NRXN3: variants seen among roughly 807,000 people sequenced by gnomAD.
NRXN3 encodes neurexin III.
In NRXN3, 32 loss-of-function variants were observed where a neutral mutation model predicts 137.6. The observed-to-expected ratio is 0.23, with a 90% CI of 0.18 to 0.31. NRXN3 has a LOEUF of 0.31. Among genes scored for constraint, NRXN3 ranks in the 10% least tolerant of loss-of-function variants. The pLI, the probability that NRXN3 is intolerant of heterozygous loss-of-function variation, is 1.00. For synonymous variants in NRXN3, 798 were observed against 784.5 expected, an observed-to-expected ratio of 1.02 and a Z score of -0.29; for missense variants, 1,574 against 2,062.5, an observed-to-expected ratio of 0.76 and a Z score of 4.59.
chr14:79,866,379 A>C lies in NRXN3; in HGVS notation c.*4415A>C, dbSNP rs1455383001. 1 of 152,222 alleles carries C rather than the reference A, an allele frequency of 6.6e-6. No homozygotes were observed. Among genetic ancestry groups the C allele is most frequent in the Non-Finnish European group, 1.5e-5 (1 of 68,030 alleles). 9.4% of individuals were successfully genotyped at this position (152,222 alleles called of 1,614,324 possible). A position where few individuals can be genotyped will look rare whatever the true frequency, so the allele number is the denominator to read the frequency against. Reference sequence around the variant, plus strand: ...TGCAAATAAGCTATCAAAAAGTACAAACTAAGTTGGGAGCTTAGAAGAAAT... The same window carrying C: ...TGCAAATAAGCTATCAAAAAGTACACACTAAGTTGGGAGCTTAGAAGAAAT... On this transcript the variant is annotated 3_prime_UTR_variant, in exon 21 of 21. Transcript: ENST00000335750.
At chr14:79,758,703 A>G (rs2099028362) in intron 19 of NRXN3, among the ~76,000 whole-genome samples, 1 of 152,210 alleles carries the variant, frequency 6.6e-6, no homozygotes, top group Non-Finnish European at 1.5e-5. Context: ...CGTGTTCAAC[A>G]GTGTCCAAAA....
At chr14:78,330,919 C>T (rs571329015) in intron 4 of NRXN3, among the ~76,000 whole-genome samples, 1 of 152,166 alleles carries the variant, frequency 6.6e-6, no homozygotes, top group Admixed American at 6.5e-5. Context: ...TACCTGTTGC[C>T]CCTTATTAAA....
intron 16 of NRXN3, among the ~76,000 whole-genome samples, chr14:79,528,232 A>C (rs1167255839): frequency 6.6e-6 from 1 of 152,188 alleles, no homozygotes; most frequent in East Asian, 1.9e-4. Context: ...GATTGATTAC[A>C]GTACACTCAA....
intron 16 of NRXN3, among the ~76,000 whole-genome samples, chr14:79,566,545 A>C (rs2153789792): frequency 6.6e-6 from 1 of 152,148 alleles, no homozygotes; most frequent in South Asian, 2.1e-4. Flanking sequence ...ACCCTTTATA[A>C]CTTAGGAGGC....
intron 3 of NRXN3, among the ~76,000 whole-genome samples, chr14:78,293,576 ACTGCCATGATACTAATGTAGGTCCTT>A (rs1196136718): frequency 6.6e-6 from 1 of 151,788 alleles, no homozygotes; most frequent in Non-Finnish European, 1.5e-5. Flanking sequence ...TTTCTTTCCC[ACTGCCATGATACTAATGTAGGTCCTT>A]CCCCTGTAAC....
chr14:78,412,748 C>T (rs892183242), intron 4 of NRXN3, among the ~76,000 whole-genome samples: 1 of 152,168 alleles, frequency 6.6e-6, no homozygotes, highest in Middle Eastern at 3.2e-3. Flanking sequence ...ATGGTATGAT[C>T]AACTAACATT....
intron 19 of NRXN3, among the ~76,000 whole-genome samples, chr14:79,701,543 T>G (rs1052850127): frequency 5.9e-5 from 9 of 152,034 alleles, no homozygotes; most frequent in African/African-American, 2.2e-4. Flanking sequence ...CCTTGTGGTT[T>G]CTCCAGCAAA....
chr14:78,276,975 C>T (rs1035145057), intron 2 of NRXN3, among the ~76,000 whole-genome samples: 3 of 152,204 alleles, frequency 2.0e-5, no homozygotes, highest in Non-Finnish European at 1.5e-5. Flanking sequence ...TCTCTTCTTC[C>T]TGCCATTCAT....
chr14:78,884,369 A>G (rs1258713019), intron 10 of NRXN3, among the ~76,000 whole-genome samples: 2 of 152,190 alleles, frequency 1.3e-5, no homozygotes, highest in African/African-American at 2.4e-5. Flanking sequence ...ACCACCAACA[A>G]AATATCTTCT....
chr14:79,164,475 T>C (rs1354612327), intron 15 of NRXN3, among the ~76,000 whole-genome samples: 1 of 152,022 alleles, frequency 6.6e-6, no homozygotes, highest in East Asian at 1.9e-4. Context: ...TTAATTTCTT[T>C]GGTAAAAGCT....
At chr14:79,007,509 A>G (rs1362417087) in intron 15 of NRXN3, among the ~76,000 whole-genome samples, 1 of 145,800 alleles carries the variant, frequency 6.9e-6, no homozygotes, top group Non-Finnish European at 1.5e-5. Context: ...ACAAACAAAC[A>G]AAAAAAAACA....
At chr14:78,289,290 T>C (rs1275593766) in intron 3 of NRXN3, among the ~76,000 whole-genome samples, 1 of 152,198 alleles carries the variant, frequency 6.6e-6, no homozygotes, top group African/African-American at 2.4e-5. Flanking sequence ...TGACAGGCTA[T>C]TGTTGAAGTC....
At chr14:79,317,037 C>A (rs2088919679) in intron 15 of NRXN3, among the ~76,000 whole-genome samples, 1 of 151,962 alleles carries the variant, frequency 6.6e-6, no homozygotes. Context: ...TCGAGACCAG[C>A]CTGGCTGACG....
intron 10 of NRXN3, among the ~76,000 whole-genome samples, chr14:78,872,201 T>C (rs2099103003): frequency 6.7e-6 from 1 of 149,478 alleles, no homozygotes; most frequent in Non-Finnish European, 1.5e-5. Context: ...ATCTTCCAAT[T>C]CTTTTGTTGA....
At chr14:79,745,018 T>C (rs1452076623) in intron 19 of NRXN3, among the ~76,000 whole-genome samples, 1 of 131,710 alleles carries the variant, frequency 7.6e-6, no homozygotes. Context: ...GTCATATCTT[T>C]AGAAAAAAAA....
intron 16 of NRXN3, among the ~76,000 whole-genome samples, chr14:79,657,770 T>A (rs1377459205): frequency 6.6e-6 from 1 of 152,224 alleles, no homozygotes; most frequent in African/African-American, 2.4e-5. Context: ...GTAACTCATC[T>A]TTTTGTATTT....
At chr14:79,186,474 T>A (rs989809716) in intron 15 of NRXN3, among the ~76,000 whole-genome samples, 5 of 152,154 alleles carry the variant, frequency 3.3e-5, no homozygotes, top group African/African-American at 1.2e-4. Flanking sequence ...CACAATAAGA[T>A]ACATGTCTGA....
chr14:79,549,962 G>T (rs79684170), intron 16 of NRXN3, among the ~76,000 whole-genome samples: 1,165 of 95,312 alleles, frequency 0.012, 23 homozygotes, highest in African/African-American at 0.05. Context: ...ATTGTTGGGT[G>T]TTTGTTTGTT....
intron 2 of NRXN3, among the ~76,000 whole-genome samples, chr14:78,251,922 G>T (rs1429918680): frequency 6.6e-6 from 1 of 152,070 alleles, no homozygotes; most frequent in Non-Finnish European, 1.5e-5. Context: ...TCAGGCTGTG[G>T]CTGGCAGAGG....
Sources: gnomAD v4.1 joint callset for allele counts (sites outside exome capture counted in the v4.1 genomes callset) on GRCh38, gnomAD v4.1.1 for gene constraint, MANE v1.5 for transcripts, NCBI Gene and HGNC (gene_info 2026-07-23, HGNC 2026-07-21) for gene names.